The following LEPR variants were observed in gnomAD, a reference collection of about 807,000 sequenced individuals.
LEPR encodes leptin receptor.
Under a neutral mutation model 114.7 loss-of-function variants are expected in LEPR, and 56 were observed. That is an observed-to-expected ratio of 0.49 (90% CI 0.39 to 0.61). The LOEUF (loss-of-function observed/expected upper bound fraction) is 0.61. Among genes scored for constraint, LEPR ranks in the 20% least tolerant of loss-of-function variants. The pLI, the probability that LEPR is intolerant of heterozygous loss-of-function variation, is 0.00. For missense variants in LEPR, 1,202 were observed against 1,352.9 expected (o/e 0.89, Z 1.75); for synonymous variants, 443 against 461.4 (o/e 0.96, Z 0.51).
intron 2 of LEPR, among the ~76,000 whole-genome samples, chr1:65,428,289 CAG>C (rs1646419388): frequency 6.6e-6 from 1 of 152,036 alleles, no homozygotes; most frequent in Admixed American, 6.6e-5. Context: ...AACATAGAGT[CAG>C]ATTGTTTTTC....
intron 2 of LEPR, among the ~76,000 whole-genome samples, chr1:65,473,677 A>G (rs759625291): frequency 6.6e-6 from 1 of 152,182 alleles, no homozygotes; most frequent in Non-Finnish European, 1.5e-5. Context: ...CTCACTTACA[A>G]TGTGGGGATG....
At chr1:65,551,350 C>G (rs1652338610) in intron 2 of LEPR, among the ~76,000 whole-genome samples, 1 of 151,890 alleles carries the variant, frequency 6.6e-6, no homozygotes, top group Admixed American at 6.6e-5. Context: ...GGTCCTGGGC[C>G]TTTTTTGGTT....
At position 65,618,148 on chromosome 1, in the gene LEPR, T is replaced by C; in HGVS notation, c.2395+2T>C. 6.2e-7 allele frequency: 1 copy of C among 1,602,128 alleles called. No individual in the cohort carries two copies. On this transcript the variant is annotated splice_donor_variant, in intron 16 of 19. Transcript: ENST00000349533. LOFTEE classifies it high-confidence loss of function. Reference sequence around the variant, plus strand: ...CTGTTAAGAAGTATTATATCCATGGTAAGTTTACTATACTTTAGTAAGTTG... The same window carrying C: ...CTGTTAAGAAGTATTATATCCATGGCAAGTTTACTATACTTTAGTAAGTTG...
At chr1:65,543,113 T>C (rs1651365415) in intron 2 of LEPR, among the ~76,000 whole-genome samples, 1 of 152,014 alleles carries the variant, frequency 6.6e-6, no homozygotes, top group African/African-American at 2.4e-5. Context: ...CCGCATCCTC[T>C]CCAGCATCTT....
At chr1:65,425,833 A>G (rs1299889524) in intron 2 of LEPR, among the ~76,000 whole-genome samples, 1 of 152,218 alleles carries the variant, frequency 6.6e-6, no homozygotes, top group Non-Finnish European at 1.5e-5. Context: ...GTGGATGAAT[A>G]AGAGTTTTTC....
At position 65,475,270 on chromosome 1, in the gene LEPR, T is replaced by A. The variant is rs552374666; in HGVS notation, c.-21+49892T>A. Among the ~76,000 whole-genome samples the A allele has an allele frequency of 2.6e-5, 4 of 152,296 alleles. No homozygotes were observed. In the South Asian group the frequency reaches 6.2e-4, roughly 24 times the overall value. On this transcript the variant is annotated intron_variant, in intron 2 of 19. Transcript: ENST00000349533. ...CACATGCTCAGCATTCATTCTGCTC[T>A]CCTCTGGAGGCAGCACTATGATTTT...
At chr1:65,590,346 T>C (rs1257190146) in intron 5 of LEPR, among the ~76,000 whole-genome samples, 2 of 151,314 alleles carry the variant, frequency 1.3e-5, no homozygotes, top group African/African-American at 4.9e-5. Flanking sequence ...TCTGTGGTTT[T>C]TCCTGGTCAG....
chr1:65,423,621 A>G (rs1646297994), intron 1 of LEPR, among the ~76,000 whole-genome samples: 1 of 152,218 alleles, frequency 6.6e-6, no homozygotes, highest in African/African-American at 2.4e-5. Context: ...GTGGAAATGT[A>G]AAAAGATATG....
chr1:65,518,388 G>T (rs1196220868), intron 2 of LEPR, among the ~76,000 whole-genome samples: 1 of 152,132 alleles, frequency 6.6e-6, no homozygotes, highest in Non-Finnish European at 1.5e-5. Context: ...GGGTCCATGA[G>T]TCACCTGTTT....
chr1:65,537,197 T>G (rs1032625316), intron 2 of LEPR, among the ~76,000 whole-genome samples: 4 of 152,258 alleles, frequency 2.6e-5, no homozygotes, highest in African/African-American at 9.6e-5. Context: ...CACCTTTCGT[T>G]GGCCCCTAGG....
intron 2 of LEPR, among the ~76,000 whole-genome samples, chr1:65,466,298 G>A (rs902493435): frequency 1.3e-5 from 2 of 152,158 alleles, no homozygotes; most frequent in African/African-American, 4.8e-5. Context: ...TAGTTTGGCT[G>A]CATATGAGAT....
At chr1:65,600,165 G>A (rs77288239) in intron 8 of LEPR, among the ~76,000 whole-genome samples, 3 of 152,076 alleles carry the variant, frequency 2.0e-5, no homozygotes, top group Non-Finnish European at 4.4e-5. Flanking sequence ...TGAGGCAGTT[G>A]AGTAAGGAGG....
intron 2 of LEPR, among the ~76,000 whole-genome samples, chr1:65,465,229 T>C (rs1424203212): frequency 2.0e-5 from 3 of 152,246 alleles, no homozygotes; most frequent in Non-Finnish European, 2.9e-5. Flanking sequence ...ATTGTGTCTA[T>C]GTTCTCACTG....
chr1:65,545,788 C>T (rs1204923077), intron 2 of LEPR, among the ~76,000 whole-genome samples: 2 of 151,902 alleles, frequency 1.3e-5, no homozygotes, highest in Non-Finnish European at 2.9e-5. Context: ...GTTTCTTTGG[C>T]TGTGCAGAAG....
Position 65,640,684 on chromosome 1 carries a change from G to A in LEPR, c.*3669G>A, listed in dbSNP as rs1355782106. The A allele has an allele frequency of 6.6e-6, 1 of 150,504 alleles. No individual in the cohort carries two copies. Among genetic ancestry groups the A allele is most frequent in the East Asian group, 1.9e-4 (1 of 5,134 alleles). The allele number at this position is 150,504 out of a possible 1,614,324, so 9.3% of individuals were successfully genotyped here. The stretch of plus-strand genomic sequence containing the variant: ...CAGCCTGTATGAGAACTGGGATATT[G>A]TTACATATTCAGCCTGTATGAGAAC... On this transcript the variant is annotated 3_prime_UTR_variant, in exon 20 of 20. Coordinates refer to ENST00000349533, the MANE Select transcript of LEPR (RefSeq NM_002303.6).
intron 2 of LEPR, among the ~76,000 whole-genome samples, chr1:65,458,182 G>A (rs1355070783): frequency 6.6e-6 from 1 of 152,144 alleles, no homozygotes; most frequent in Non-Finnish European, 1.5e-5. Flanking sequence ...TAATAGTGGA[G>A]GGAAAGTCTT....
At chr1:65,474,793 G>T (rs546972244) in intron 2 of LEPR, among the ~76,000 whole-genome samples, 10 of 152,004 alleles carry the variant, frequency 6.6e-5, no homozygotes, top group African/African-American at 2.4e-4. Flanking sequence ...AGATCACGAG[G>T]TCAGGAGTTT....
At chr1:65,430,827 G>A (rs1032140222) in intron 2 of LEPR, among the ~76,000 whole-genome samples, 4 of 151,942 alleles carry the variant, frequency 2.6e-5, no homozygotes, top group South Asian at 2.1e-4. Context: ...TAAGTGAGAC[G>A]GTTGAAGCAT....
intron 5 of LEPR, among the ~76,000 whole-genome samples, chr1:65,582,362 G>A (rs1412362118): frequency 6.6e-6 from 1 of 152,160 alleles, no homozygotes; most frequent in Non-Finnish European, 1.5e-5. Flanking sequence ...TTCAGGAGGA[G>A]CTAGTTTTGA....
Sources: allele counts gnomAD v4.1 joint callset (sites outside exome capture counted in the v4.1 genomes callset), GRCh38; gene constraint gnomAD v4.1.1; transcripts MANE v1.5; gene names NCBI Gene and HGNC (gene_info 2026-07-23, HGNC 2026-07-21).